The following KATNAL2 variants were observed in gnomAD, a reference collection of about 807,000 sequenced individuals.
KATNAL2 encodes katanin catalytic subunit A1 like 2, also known as katanin p60 ATPase-containing subunit A-like 2.
In KATNAL2, 52 loss-of-function variants were observed where a neutral mutation model predicts 76.3. The observed-to-expected ratio is 0.68, with a 90% CI of 0.55 to 0.86. KATNAL2 has a LOEUF of 0.86. Ranked by LOEUF, KATNAL2 falls within the 40% of genes least tolerant of loss-of-function variation. KATNAL2 has a pLI of 0.00. For synonymous variants in KATNAL2, 243 were observed against 244.2 expected (o/e 1.00, Z 0.05); for missense variants, 660 against 668.9 (o/e 0.99, Z 0.15).
At chr18:46,937,582 A>G (rs2059130806) in intron 1 of KATNAL2, among the ~76,000 whole-genome samples, 1 of 152,134 alleles carries the variant, frequency 6.6e-6, no homozygotes, top group Non-Finnish European at 1.5e-5. Context: ...ACATGCTTCT[A>G]AATTCCCTCC....
chr18:47,046,346 T>C, intron 3 of KATNAL2, 111 bp from the exon 4 acceptor site: 1 of 719,424 alleles, frequency 1.4e-6, no homozygotes. Context: ...TTTCCAGCCT[T>C]TAAGTCATGC....
At chr18:47,069,371 C>A in intron 12 of KATNAL2, 88 bp downstream of exon 12, 1 of 1,346,232 alleles carries the variant, frequency 7.4e-7, no homozygotes, top group Non-Finnish European at 1.0e-6. Context: ...AGGACTGGGG[C>A]ACACGAGAGC....
chr18:47,097,786 A>G (rs780101709), intron 15 of KATNAL2, among the ~76,000 whole-genome samples: 6 of 152,086 alleles, frequency 3.9e-5, no homozygotes, highest in Non-Finnish European at 7.4e-5. Flanking sequence ...TGTATAGGTG[A>G]ACTTGTGTCA....
intron 15 of KATNAL2, among the ~76,000 whole-genome samples, chr18:47,097,158 A>G (rs555139719): frequency 2.1e-4 from 31 of 150,412 alleles, no homozygotes; most frequent in South Asian, 4.2e-4. Flanking sequence ...CTGTGTGTGT[A>G]TGTGTGTGTT....
At chr18:47,085,842 C>A (rs960571240) in intron 15 of KATNAL2, among the ~76,000 whole-genome samples, 1 of 152,076 alleles carries the variant, frequency 6.6e-6, no homozygotes, top group African/African-American at 2.4e-5. Flanking sequence ...GTGGCTTATG[C>A]TTGTAATCCC....
chr18:47,025,547 GTC>G (rs1555840850), intron 3 of KATNAL2, among the ~76,000 whole-genome samples: 1 of 151,500 alleles, frequency 6.6e-6, no homozygotes, highest in East Asian at 2.0e-4. Flanking sequence ...GTGTGTGTGT[GTC>G]TCTTCTGCAG....
intron 10 of KATNAL2, 149 bp from the exon 11 acceptor site, chr18:47,066,872 T>TAC (rs2061821874): frequency 2.3e-5 from 2 of 85,388 alleles, no homozygotes; most frequent in Non-Finnish European, 4.8e-5. Flanking sequence ...TATATATATA[T>TAC]ATATATATAT....
At chr18:46,952,393 G>GCTT (rs2059584955) in intron 3 of KATNAL2, among the ~76,000 whole-genome samples, 6 of 64,406 alleles carry the variant, frequency 9.3e-5, no homozygotes, top group Non-Finnish European at 1.6e-4. Flanking sequence ...CTGCAGGTAT[G>GCTT]TTTTTTTTTT....
chr18:47,055,303 G>A (rs1244144684), intron 6 of KATNAL2, among the ~76,000 whole-genome samples: 2 of 152,208 alleles, frequency 1.3e-5, no homozygotes, highest in Non-Finnish European at 2.9e-5. Flanking sequence ...AGCCATCCAA[G>A]CAGTCAACAA....
chr18:47,059,688 G>A (rs745986436), intron 8 of KATNAL2, 34 bp downstream of exon 8: 12 of 1,363,020 alleles, frequency 8.8e-6, no homozygotes, highest in Non-Finnish European at 1.3e-5. Flanking sequence ...CACTGAAAGT[G>A]GTAATTTCTT....
At chr18:47,093,347 TG>T (rs1212794800) in intron 15 of KATNAL2, among the ~76,000 whole-genome samples, 2 of 152,030 alleles carry the variant, frequency 1.3e-5, no homozygotes, top group African/African-American at 4.8e-5. Context: ...CCTAGAATTC[TG>T]GAAAGTTTTC....
At chr18:47,089,646 A>G (rs1237912041) in intron 15 of KATNAL2, among the ~76,000 whole-genome samples, 1 of 152,212 alleles carries the variant, frequency 6.6e-6, no homozygotes, top group Non-Finnish European at 1.5e-5. Context: ...GCCCAGCCAC[A>G]TGGGTTCAAT....
intron 6 of KATNAL2, among the ~76,000 whole-genome samples, chr18:47,056,124 A>G (rs887024939): frequency 1.3e-5 from 2 of 152,230 alleles, no homozygotes; most frequent in Non-Finnish European, 2.9e-5. Context: ...AAGGTTATCT[A>G]ATGTGATGGA....
intron 15 of KATNAL2, chr18:47,098,278 G>A (rs1199778639): frequency 9.2e-6 from 3 of 327,264 alleles, no homozygotes; most frequent in Non-Finnish European, 1.8e-5. Context: ...ACATATCCAA[G>A]ACTGGGAAGA....
chr18:47,072,239 A>C (rs1199279608), intron 13 of KATNAL2, among the ~76,000 whole-genome samples: 3 of 151,926 alleles, frequency 2.0e-5, no homozygotes, highest in Non-Finnish European at 4.4e-5. Flanking sequence ...TACAGGCATG[A>C]GCCACCGTGC....
intron 13 of KATNAL2, among the ~76,000 whole-genome samples, chr18:47,073,219 G>T (rs1372252681): frequency 6.6e-6 from 1 of 152,128 alleles, no homozygotes; most frequent in Non-Finnish European, 1.5e-5. Flanking sequence ...AAAAGTAATA[G>T]TGTATTTCAG....
chr18:46,961,387 G>C (rs1235578261), intron 3 of KATNAL2, among the ~76,000 whole-genome samples: 1 of 152,160 alleles, frequency 6.6e-6, no homozygotes, highest in Non-Finnish European at 1.5e-5. Flanking sequence ...TTCATCATCA[G>C]TTTTTAAGTC....
intron 15 of KATNAL2, among the ~76,000 whole-genome samples, chr18:47,094,096 T>C (rs1415095828): frequency 6.6e-6 from 1 of 152,130 alleles, no homozygotes; most frequent in Non-Finnish European, 1.5e-5. Context: ...ATTAATGCCA[T>C]TATAAAAAGG....
intron 1 of KATNAL2, among the ~76,000 whole-genome samples, chr18:46,932,849 C>T (rs1476672389): frequency 6.6e-6 from 1 of 151,868 alleles, no homozygotes; most frequent in African/African-American, 2.4e-5. Context: ...ACTGCAACCT[C>T]TGCCTTCTGG....
Sources: allele counts gnomAD v4.1 joint callset (sites outside exome capture counted in the v4.1 genomes callset), GRCh38; gene constraint gnomAD v4.1.1; transcripts MANE v1.5; gene names NCBI Gene and HGNC (gene_info 2026-07-23, HGNC 2026-07-21).